Variants in NRG1 observed in about 807,000 individuals in gnomAD.
The protein encoded by NRG1 is pro-neuregulin-1, membrane-bound isoform.
NRG1 carries 18 observed loss-of-function variants against 63.8 expected under a neutral mutation model. The observed-to-expected ratio is 0.28, with a 90% confidence interval of 0.19 to 0.42. The LOEUF is 0.42. NRG1 is among the 10% of genes least tolerant of loss of function. The pLI is 1.00. For synonymous variants in NRG1, 302 were observed against 301.3 expected, an observed-to-expected ratio of 1.00 and a Z score of -0.02; for missense variants, 762 against 814.7, an observed-to-expected ratio of 0.94 and a Z score of 0.79.
chr8:31,674,373 T>C (rs1807464236), intron 1 of NRG1, among the ~76,000 whole-genome samples: 1 of 152,198 alleles, frequency 6.6e-6, no homozygotes, highest in Non-Finnish European at 1.5e-5. Context: ...GGGTTTCACT[T>C]TCTCTACATC....
chr8:32,605,518 T>C, intron 2 of NRG1, 44 bp from the exon 3 acceptor site: 1 of 1,607,184 alleles, frequency 6.2e-7, no homozygotes, highest in South Asian at 1.1e-5. Context: ...ATTTGTTGGA[T>C]TTCTGTGATA....
intron 5 of NRG1, among the ~76,000 whole-genome samples, chr8:32,617,756 C>A (rs888667459): frequency 3.3e-5 from 5 of 152,128 alleles, no homozygotes; most frequent in African/African-American, 1.2e-4. Context: ...GTTGAAGGAA[C>A]AATTTCCTTT....
At chr8:32,151,381 G>A (rs1167048582) in intron 1 of NRG1, among the ~76,000 whole-genome samples, 1 of 152,096 alleles carries the variant, frequency 6.6e-6, no homozygotes, top group Non-Finnish European at 1.5e-5. Context: ...AAAAGCCATA[G>A]TAATAAGTAA....
At chr8:32,659,379 C>T (rs993149557) in intron 5 of NRG1, among the ~76,000 whole-genome samples, 2 of 152,128 alleles carry the variant, frequency 1.3e-5, no homozygotes, top group African/African-American at 4.8e-5. Context: ...AACTCCTGAT[C>T]TCAGGTGATC....
chr8:32,602,348 G>A (rs1375584888), intron 2 of NRG1, among the ~76,000 whole-genome samples: 1 of 152,044 alleles, frequency 6.6e-6, no homozygotes, highest in African/African-American at 2.4e-5. Flanking sequence ...GGAGAAGTTT[G>A]ATTTTAAGAC....
At chr8:31,858,489 A>G (rs989004644) in intron 1 of NRG1, among the ~76,000 whole-genome samples, 1 of 152,142 alleles carries the variant, frequency 6.6e-6, no homozygotes, top group African/African-American at 2.4e-5. Context: ...ACAACAAACA[A>G]TTTCTCAATC....
chr8:31,766,224 A>C (rs2131545413), intron 1 of NRG1, among the ~76,000 whole-genome samples: 1 of 152,272 alleles, frequency 6.6e-6, no homozygotes, highest in South Asian at 2.1e-4. Context: ...AGACCTTGAA[A>C]GATAACTTAG....
In NRG1 at chr8:32,131,011, C is replaced by G. The variant is rs75364782; in HGVS notation, c.38-464817C>G. ...TATGTAGAAGCATACCACCATATGG[C>G]AAAAGGCAGAGTTGCTAAAACTATA... is the stretch of plus-strand genomic sequence containing the variant. On this transcript the variant is annotated intron_variant, in intron 1 of 10. Coordinates refer to the NRG1 transcript ENST00000519301. 1.0e-2 allele frequency among the ~76,000 whole-genome samples: 1,514 copies of G among 151,984 alleles called. 23 individuals are homozygous for G. Among genetic ancestry groups the G allele is most frequent in the African/African-American group, 0.033 (1,357 of 41,478 alleles).
chr8:31,821,753 A>G (rs939789136), intron 1 of NRG1, among the ~76,000 whole-genome samples: 5 of 152,126 alleles, frequency 3.3e-5, no homozygotes, highest in African/African-American at 1.2e-4. Flanking sequence ...AAACACACTT[A>G]TGTCATTTTT....
chr8:32,688,519 C>T (rs1487543660), intron 5 of NRG1, among the ~76,000 whole-genome samples: 1 of 152,140 alleles, frequency 6.6e-6, no homozygotes, highest in African/African-American at 2.4e-5. Flanking sequence ...CCATTTATTA[C>T]TTTTCATCTT....
At chr8:32,585,986 T>C (rs928807971) in intron 1 of NRG1, among the ~76,000 whole-genome samples, 2 of 152,138 alleles carry the variant, frequency 1.3e-5, no homozygotes, top group Non-Finnish European at 2.9e-5. Flanking sequence ...TACCTCTCTG[T>C]TTCTGTTTCT....
intron 5 of NRG1, among the ~76,000 whole-genome samples, chr8:32,671,472 G>A (rs999259833): frequency 6.6e-6 from 1 of 152,076 alleles, no homozygotes; most frequent in Non-Finnish European, 1.5e-5. Context: ...CCCTTTAAGG[G>A]AAATCTTGCC....
chr8:31,750,078 G>T (rs1312999059), intron 1 of NRG1, among the ~76,000 whole-genome samples: 1 of 151,760 alleles, frequency 6.6e-6, no homozygotes, highest in East Asian at 1.9e-4. Context: ...TCAACCTACA[G>T]CCACAGTAGA....
At chr8:32,006,740 C>T (rs7007718) in intron 1 of NRG1, among the ~76,000 whole-genome samples, 9,105 of 152,016 alleles carry the variant, frequency 0.06, 407 homozygotes, top group Non-Finnish European at 0.087. Context: ...CTGGATTCTG[C>T]CAACAACCTG....
chr8:31,751,273 C>A (rs1816432863), intron 1 of NRG1, among the ~76,000 whole-genome samples: 1 of 151,972 alleles, frequency 6.6e-6, no homozygotes, highest in Non-Finnish European at 1.5e-5. Context: ...AAATTAGTCC[C>A]AAACTCTAGG....
intron 1 of NRG1, among the ~76,000 whole-genome samples, chr8:32,163,245 C>A (rs1291449984): frequency 6.6e-6 from 1 of 152,158 alleles, no homozygotes; most frequent in African/African-American, 2.4e-5. Context: ...ACCCTGCATA[C>A]ACCCTTCCTC....
At chr8:32,502,759 A>T (rs970952743) in intron 1 of NRG1, among the ~76,000 whole-genome samples, 7 of 152,076 alleles carry the variant, frequency 4.6e-5, no homozygotes, top group Non-Finnish European at 1.0e-4. Context: ...GTTCATTTAC[A>T]CATATTTATT....
chr8:32,328,216 G>A (rs1331114751), intron 1 of NRG1, among the ~76,000 whole-genome samples: 20 of 152,224 alleles, frequency 1.3e-4, no homozygotes, highest in Admixed American at 1.0e-3. Context: ...TGTTTTTAAA[G>A]AGCTTTGGAT....
At chr8:32,445,383 T>C (rs1156931562) in intron 1 of NRG1, among the ~76,000 whole-genome samples, 1 of 152,194 alleles carries the variant, frequency 6.6e-6, no homozygotes, top group Non-Finnish European at 1.5e-5. Flanking sequence ...CTGACTGTAA[T>C]AGTCAAAGAC....
Sources: gnomAD v4.1 joint callset for allele counts (sites outside exome capture counted in the v4.1 genomes callset) on GRCh38, gnomAD v4.1.1 for gene constraint, MANE v1.5 for transcripts, NCBI Gene and HGNC (gene_info 2026-07-23, HGNC 2026-07-21) for gene names.